IGF2BP2: variants seen among roughly 807,000 people sequenced by gnomAD.
IGF2BP2 encodes the protein insulin like growth factor 2 mRNA binding protein 2, also known as insulin-like growth factor 2 mRNA-binding protein 2.
Under a neutral mutation model 75.8 loss-of-function variants are expected in IGF2BP2, and 17 were observed. The ratio of observed to expected loss-of-function variants is 0.22; its 90% confidence interval spans 0.15 to 0.34. The LOEUF is 0.34. IGF2BP2 is among the 10% of genes least tolerant of loss of function. IGF2BP2 has a pLI of 1.00. For missense variants in IGF2BP2, 516 were observed against 772.4 expected (o/e 0.67, Z 3.93); for synonymous variants, 288 against 295.6 (o/e 0.97, Z 0.26).
intron 10 of IGF2BP2, among the ~76,000 whole-genome samples, chr3:185,662,841 C>A (rs1299283260): frequency 6.6e-6 from 1 of 151,914 alleles, no homozygotes; most frequent in African/African-American, 2.4e-5. Context: ...CTGCAGCTGG[C>A]TAATTTTTTT....
At position 185,696,449 on chromosome 3, in the gene IGF2BP2, C is replaced by T. The variant is rs893494095; in HGVS notation, c.340+163G>A. On this transcript the variant is annotated intron_variant, in intron 4 of 15. Transcript: ENST00000382199. ...CATAGAAAGAGACAGATATCTCTCA[C>T]ATCTATGTAAGATACATCTTACATA... 8.1e-6 allele frequency: 5 copies of T among 620,614 alleles called. No individual in the cohort carries two copies. The African/African-American group carries it at 9.2e-5, about 11-fold the overall frequency. 38.4% of individuals were successfully genotyped at this position (620,614 alleles called of 1,614,324 possible).
chr3:185,781,995 TG>T (rs1208660477), intron 2 of IGF2BP2, among the ~76,000 whole-genome samples: 1 of 152,170 alleles, frequency 6.6e-6, no homozygotes, highest in African/African-American at 2.4e-5. Context: ...ATATATATAT[TG>T]TTTAAAAAAT....
At chr3:185,725,939 G>A (rs1302150628) in intron 2 of IGF2BP2, among the ~76,000 whole-genome samples, 4 of 152,150 alleles carry the variant, frequency 2.6e-5, no homozygotes, top group Admixed American at 6.5e-5. Context: ...ACTACAGCCT[G>A]CACATCAGGG....
At chr3:185,766,545 T>C (rs1733094370) in intron 2 of IGF2BP2, among the ~76,000 whole-genome samples, 1 of 152,194 alleles carries the variant, frequency 6.6e-6, no homozygotes, top group African/African-American at 2.4e-5. Flanking sequence ...GCCATGCTCA[T>C]CCATTTACAT....
chr3:185,659,806 T>A (rs75192217), intron 10 of IGF2BP2, among the ~76,000 whole-genome samples: 3 of 152,004 alleles, frequency 2.0e-5, no homozygotes, highest in Non-Finnish European at 4.4e-5. Context: ...TGATACTTTT[T>A]TTTTTTTGAG....
At chr3:185,692,252 T>C (rs1432329722) in intron 5 of IGF2BP2, among the ~76,000 whole-genome samples, 2 of 152,192 alleles carry the variant, frequency 1.3e-5, no homozygotes, top group South Asian at 4.1e-4. Context: ...AATTGATGTT[T>C]TGGTATAGGC....
chr3:185,723,109 T>C (rs901940761), intron 2 of IGF2BP2, among the ~76,000 whole-genome samples: 2 of 152,238 alleles, frequency 1.3e-5, no homozygotes, highest in African/African-American at 2.4e-5. Flanking sequence ...GTCTTCAGAA[T>C]TGAGATCTGC....
intron 5 of IGF2BP2, among the ~76,000 whole-genome samples, chr3:185,691,825 C>G (rs1170954832): frequency 2.6e-5 from 4 of 152,136 alleles, no homozygotes; most frequent in Non-Finnish European, 5.9e-5. Context: ...GCCTTACCAT[C>G]CTGGGCTCAA....
At chr3:185,666,894 G>A (rs1170145413) in intron 10 of IGF2BP2, among the ~76,000 whole-genome samples, 1 of 152,074 alleles carries the variant, frequency 6.6e-6, no homozygotes, top group Non-Finnish European at 1.5e-5. Context: ...TTTTTTGATT[G>A]AATTTTTACC....
intron 2 of IGF2BP2, among the ~76,000 whole-genome samples, chr3:185,778,537 C>T (rs765782275): frequency 6.6e-6 from 1 of 152,128 alleles, no homozygotes; most frequent in Non-Finnish European, 1.5e-5. Context: ...AGTTAAAAGG[C>T]GAATAATGCC....
chr3:185,667,070 G>A (rs1250672150), intron 10 of IGF2BP2, among the ~76,000 whole-genome samples: 1 of 152,172 alleles, frequency 6.6e-6, no homozygotes, highest in Non-Finnish European at 1.5e-5. Context: ...GAGACAAACG[G>A]AAGGGAATAG....
chr3:185,657,268 C>G lies in IGF2BP2; in HGVS notation c.1386+18G>C. ...GGAGGTGGTAGAAGGGCCACAGGGC[C>G]GTCAGGAGCAGCCTCACCTTGATAG... On this transcript the variant is annotated intron_variant, in intron 12 of 15. Coordinates refer to ENST00000382199, the MANE Select transcript of IGF2BP2 (RefSeq NM_006548.6). 6.3e-7 allele frequency: 1 copy of G among 1,576,988 alleles called. No homozygotes were observed. The highest frequency in any genetic ancestry group is 2.2e-5 in the East Asian group (1 of 44,658).
chr3:185,747,653 T>C (rs1730422738), intron 2 of IGF2BP2, among the ~76,000 whole-genome samples: 1 of 151,960 alleles, frequency 6.6e-6, no homozygotes, highest in Non-Finnish European at 1.5e-5. Context: ...CACGCCAGCC[T>C]GGGCGACAGA....
chr3:185,657,137 G>A (rs1311676502), intron 12 of IGF2BP2, 149 bp downstream of exon 12: 1 of 577,080 alleles, frequency 1.7e-6, no homozygotes, highest in Non-Finnish European at 3.1e-6. Context: ...GATGAGAGCG[G>A]ACGGGAATAG....
chr3:185,755,587 T>C (rs913167393), intron 2 of IGF2BP2, among the ~76,000 whole-genome samples: 16 of 152,194 alleles, frequency 1.1e-4, no homozygotes, highest in African/African-American at 3.6e-4. Flanking sequence ...ATGTGGGCTG[T>C]GCTCAGGGAA....
chr3:185,790,294 G>A (rs901165907), intron 2 of IGF2BP2, among the ~76,000 whole-genome samples: 3 of 151,892 alleles, frequency 2.0e-5, no homozygotes, highest in Non-Finnish European at 4.4e-5. Flanking sequence ...TGATTGGGAA[G>A]TGAGTCTCCC....
intron 2 of IGF2BP2, among the ~76,000 whole-genome samples, chr3:185,714,138 CA>C (rs1375902792): frequency 2.0e-5 from 3 of 152,054 alleles, no homozygotes; most frequent in Non-Finnish European, 1.5e-5. Flanking sequence ...GTAGTCTATA[CA>C]TAAGCATATA....
At chr3:185,703,987 T>C (rs77907889) in intron 2 of IGF2BP2, among the ~76,000 whole-genome samples, 3,650 of 152,184 alleles carry the variant, frequency 0.024, 76 homozygotes, top group Non-Finnish European at 0.035. Flanking sequence ...CCAGCTTCCA[T>C]TGGAGAATTA....
rs75891167 is a variant in IGF2BP2 at position 185,678,802 on chromosome 3, C to T, written c.813-2889G>A. ...CAAAGTTGACTTCACATGTTTAGAACTCTGAGGTTTGGTGTGTACATATTT... is the reference window on the plus strand; with the variant it reads ...CAAAGTTGACTTCACATGTTTAGAATTCTGAGGTTTGGTGTGTACATATTT... On this transcript the variant is annotated intron_variant, in intron 7 of 15. Coordinates refer to ENST00000382199, the MANE Select transcript of IGF2BP2 (RefSeq NM_006548.6). Among the ~76,000 whole-genome samples, 638 of 152,290 alleles carry T rather than the reference C, an allele frequency of 4.2e-3. 6 individuals are homozygous for T. Among genetic ancestry groups the T allele is most frequent in the African/African-American group, 0.015 (604 of 41,550 alleles).
Sources: gnomAD v4.1 joint callset for allele counts (sites outside exome capture counted in the v4.1 genomes callset) on GRCh38, gnomAD v4.1.1 for gene constraint, MANE v1.5 for transcripts, NCBI Gene and HGNC (gene_info 2026-07-23, HGNC 2026-07-21) for gene names.